Variants in TMEM132D observed in about 807,000 individuals in gnomAD.
TMEM132D encodes mature OL transmembrane protein.
A neutral mutation model predicts 62.3 loss-of-function variants in TMEM132D; 21 were observed. That is an observed-to-expected ratio of 0.34 (90% CI 0.24 to 0.49). The LOEUF is 0.49. TMEM132D is among the 20% of genes least tolerant of loss of function. The pLI is 0.99. For missense variants in TMEM132D, 1,346 were observed against 1,402.8 expected (o/e 0.96, Z 0.65); for synonymous variants, 621 against 575.6 (o/e 1.08, Z -1.13).
At chr12:129,400,999 TGTGAGACTCTCCTCTTC>T (rs1414971440) in intron 3 of TMEM132D, among the ~76,000 whole-genome samples, 1 of 152,196 alleles carries the variant, frequency 6.6e-6, no homozygotes, top group Non-Finnish European at 1.5e-5. Context: ...AGTGAGGGGC[TGTGAGACTCTCCTCTTC>T]CATTACACCA....
At chr12:129,863,825 T>A (rs1160631768) in intron 1 of TMEM132D, among the ~76,000 whole-genome samples, 1 of 152,190 alleles carries the variant, frequency 6.6e-6, no homozygotes, top group Non-Finnish European at 1.5e-5. Flanking sequence ...GTAACAGGAA[T>A]CTTTTCTGCC....
intron 5 of TMEM132D, among the ~76,000 whole-genome samples, chr12:129,091,978 G>A (rs923551907): frequency 2.6e-5 from 4 of 152,162 alleles, no homozygotes; most frequent in East Asian, 1.9e-4. Context: ...TAGGTGAGCC[G>A]GCAAGATCTG....
chr12:129,106,034 T>C (rs1253070653), intron 5 of TMEM132D, among the ~76,000 whole-genome samples: 3 of 151,278 alleles, frequency 2.0e-5, no homozygotes, highest in Non-Finnish European at 4.4e-5. Context: ...CCAACAATGA[T>C]AGACTGGATT....
chr12:129,552,791 A>G (rs1393676511), intron 2 of TMEM132D, among the ~76,000 whole-genome samples: 1 of 152,028 alleles, frequency 6.6e-6, no homozygotes, highest in Non-Finnish European at 1.5e-5. Context: ...GTACCTACCT[A>G]TTACGTATCT....
At chr12:129,551,902 T>C (rs1207804950) in intron 2 of TMEM132D, among the ~76,000 whole-genome samples, 1 of 152,182 alleles carries the variant, frequency 6.6e-6, no homozygotes, top group Non-Finnish European at 1.5e-5. Context: ...CAACACCCTC[T>C]GATATTTTGG....
intron 1 of TMEM132D, among the ~76,000 whole-genome samples, chr12:129,900,907 CTTTATG>C (rs1424127261): frequency 1.3e-5 from 2 of 152,100 alleles, no homozygotes; most frequent in Non-Finnish European, 2.9e-5. Flanking sequence ...AGCAACAAAA[CTTTATG>C]TTTATTTGTT....
chr12:129,455,684 G>A (rs536674859), intron 3 of TMEM132D, among the ~76,000 whole-genome samples: 5 of 152,280 alleles, frequency 3.3e-5, no homozygotes, highest in African/African-American at 1.2e-4. Context: ...TGTGTGCAAA[G>A]GCACGGTGGC....
rs190300111 is a variant in TMEM132D at position 129,779,413 on chromosome 12, C to T, written c.80-78715G>A. Among the ~76,000 whole-genome samples the T allele has an allele frequency of 3.7e-3, 560 of 152,226 alleles. 5 individuals carry two copies. The highest frequency in any genetic ancestry group is 6.5e-3 in the Non-Finnish European group (444 of 68,006). On this transcript the variant is annotated intron_variant, in intron 1 of 8. Coordinates refer to ENST00000422113, the MANE Select transcript of TMEM132D (RefSeq NM_133448.3). The surrounding 1 kb of genome is among the most constrained non-coding windows in gnomAD (Gnocchi z 4.1). ...AGGTGATCCTCCCACCTCAGCCTCCCAAGTAGCAGGAACTGCAGGTGTCCA... is the reference window on the plus strand; with the variant it reads ...AGGTGATCCTCCCACCTCAGCCTCCTAAGTAGCAGGAACTGCAGGTGTCCA...
chr12:129,345,338 C>T (rs575780201), intron 3 of TMEM132D, among the ~76,000 whole-genome samples: 6 of 152,270 alleles, frequency 3.9e-5, no homozygotes, highest in African/African-American at 9.6e-5. Flanking sequence ...AATACAATCT[C>T]GCAGGTTTGG....
At chr12:129,436,818 T>C (rs541062692) in intron 3 of TMEM132D, among the ~76,000 whole-genome samples, 16 of 152,176 alleles carry the variant, frequency 1.1e-4, no homozygotes, top group Non-Finnish European at 2.2e-4. Context: ...TTGAAGTATA[T>C]ACATTCAACT....
chr12:129,079,343 G>A (rs573141659), intron 7 of TMEM132D, among the ~76,000 whole-genome samples: 15 of 152,280 alleles, frequency 9.9e-5, no homozygotes, highest in Admixed American at 6.5e-5. Flanking sequence ...TCTGATAAAC[G>A]TAGGTTCTGA....
At chr12:129,592,927 T>C (rs1267255388) in intron 2 of TMEM132D, among the ~76,000 whole-genome samples, 2 of 152,128 alleles carry the variant, frequency 1.3e-5, no homozygotes, top group Non-Finnish European at 2.9e-5. Flanking sequence ...CATGTACATG[T>C]GCTGTCTATT....
intron 2 of TMEM132D, among the ~76,000 whole-genome samples, chr12:129,692,497 C>G (rs1051929833): frequency 6.6e-6 from 1 of 152,114 alleles, no homozygotes; most frequent in Non-Finnish European, 1.5e-5. Flanking sequence ...GGTATATACC[C>G]AAAGGAATAT....
At chr12:129,639,405 A>T (rs1879585261) in intron 2 of TMEM132D, among the ~76,000 whole-genome samples, 1 of 150,516 alleles carries the variant, frequency 6.6e-6, no homozygotes, top group African/African-American at 2.5e-5. Context: ...AAAAAAAAAA[A>T]AGTCAGGAAA....
intron 5 of TMEM132D, among the ~76,000 whole-genome samples, chr12:129,151,859 A>G (rs1402238058): frequency 1.3e-5 from 2 of 149,226 alleles, no homozygotes; most frequent in African/African-American, 2.5e-5. Flanking sequence ...TACTTAGTTA[A>G]TGTGGACCAC....
intron 5 of TMEM132D, among the ~76,000 whole-genome samples, chr12:129,175,099 C>G (rs1057380128): frequency 8.5e-5 from 13 of 152,088 alleles, no homozygotes; most frequent in Non-Finnish European, 1.8e-4. Flanking sequence ...TTTGTTAATT[C>G]TGGCTTTTGT....
At chr12:129,537,808 C>T (rs1438107435) in intron 2 of TMEM132D, among the ~76,000 whole-genome samples, 1 of 152,204 alleles carries the variant, frequency 6.6e-6, no homozygotes, top group Non-Finnish European at 1.5e-5. Flanking sequence ...GGGGTGTGGC[C>T]TCCACTGCAC....
chr12:129,191,937 T>G (rs1330183346), intron 5 of TMEM132D, among the ~76,000 whole-genome samples: 2 of 152,268 alleles, frequency 1.3e-5, no homozygotes, highest in Admixed American at 1.3e-4. Flanking sequence ...TTTATGTTTA[T>G]GCCAAAGACT....
chr12:129,214,687 G>A (rs1171688143), intron 4 of TMEM132D, among the ~76,000 whole-genome samples: 1 of 152,092 alleles, frequency 6.6e-6, no homozygotes, highest in Non-Finnish European at 1.5e-5. Flanking sequence ...CAGACACACA[G>A]ACAATACTCA....
Sources: allele counts gnomAD v4.1 joint callset (sites outside exome capture counted in the v4.1 genomes callset), GRCh38; gene constraint gnomAD v4.1.1; non-coding constraint Gnocchi (gnomAD v3.1); transcripts MANE v1.5; gene names NCBI Gene and HGNC (gene_info 2026-07-23, HGNC 2026-07-21).